The following PHF1 variants were observed in gnomAD, a reference collection of about 807,000 sequenced individuals.
The protein encoded by PHF1 is PHD finger protein 1, also known as polycomb-like 1.
PHF1 carries 16 observed loss-of-function variants against 69.4 expected under a neutral mutation model. The observed-to-expected ratio is 0.23, with a 90% CI of 0.16 to 0.35. The LOEUF is 0.35. Among genes scored for constraint, PHF1 ranks in the 10% least tolerant of loss-of-function variants. The pLI is 1.00. For synonymous variants in PHF1, 274 were observed against 275.0 expected (o/e 1.00, Z 0.04); for missense variants, 515 against 732.8 (o/e 0.70, Z 3.43).
rs967317692 is a variant in PHF1, at chr6:33,415,842, C to G, written c.1448C>G (p.Thr483Arg). Reference protein sequence around the residue: ...SPLELHIGFPTDIPKSAPHSM... With the variant: ...SPLELHIGFPRDIPKSAPHSM... The stretch of plus-strand genomic sequence containing the variant: ...CTGGAACTTCACATTGGTTTCCCCA[C>G]AGACATCCCTAAAAGTGCCCCCCAC... Residue 483 changes from threonine (T) to arginine (R), a missense_variant, in exon 15 of 15, where the codon ACA becomes AGA. Physicochemically the swap from Thr to Arg is moderately conservative, Grantham distance 71 (BLOSUM62 -1). Coordinates refer to ENST00000374516, the MANE Select transcript of PHF1 (RefSeq NM_024165.3). 4 of 1,603,648 alleles carry G rather than the reference C, an allele frequency of 2.5e-6. No individual in the cohort carries two copies. The highest frequency in any genetic ancestry group is 2.7e-5 in the African/African-American group (2 of 74,876).
At position 33,416,021 on chromosome 6, in the gene PHF1, C is replaced by T; in HGVS notation, c.1627C>T (p.Arg543Trp). ...TTACCTGTCCCGAGGGGACCCTGTC[C>T]GGGTCCTTGCTCGGAGAGTACGGCC... is the stretch of plus-strand genomic sequence containing the variant. ...VGYLSRGDPVRVLARRVRPDG... is the reference protein window; with the variant it reads ...VGYLSRGDPVWVLARRVRPDG... The change falls in exon 15 of 15, where the codon CGG becomes TGG. Residue 543 changes from arginine (R) to tryptophan (W), a missense_variant. Coordinates refer to ENST00000374516, the MANE Select transcript of PHF1 (RefSeq NM_024165.3). 1.2e-6 allele frequency: 2 copies of T among 1,612,626 alleles called. No homozygotes were observed. The highest frequency in any genetic ancestry group is 1.1e-5 in the South Asian group (1 of 91,016).
At position 33,413,207 on chromosome 6, in the gene PHF1, G is replaced by A. The variant is rs763045540; in HGVS notation, c.349G>A (p.Asp117Asn). Residue 117 changes from aspartate (D) to asparagine (N), a missense_variant, in exon 5 of 15, where the codon GAC becomes AAC. Physicochemically the swap from Asp to Asn is conservative, Grantham distance 23 (BLOSUM62 1). Coordinates refer to ENST00000374516, the MANE Select transcript of PHF1 (RefSeq NM_024165.3). ...TATTATCACTGCAGCTTATCACCAG[G>A]ACTGCCATGTTCCCAGGGCTCCAGC... ...CEKCRHAYHQDCHVPRAPAPG... is the reference protein window; with the variant it reads ...CEKCRHAYHQNCHVPRAPAPG... The A allele has an allele frequency of 3.2e-5, 51 of 1,613,922 alleles. No homozygotes were observed. The South Asian group carries it at 5.3e-4, about 17-fold the overall frequency.
rs550517254 is a variant in PHF1, at chr6:33,413,489, G to T, written c.519G>T (p.Gly173=). 6.2e-7 allele frequency: 1 copy of T among 1,614,222 alleles called. No homozygotes were observed. Among genetic ancestry groups the T allele is most frequent in the Admixed American group, 1.7e-5 (1 of 60,024 alleles). The change falls in exon 6 of 15, where the codon GGG becomes GGT. Residue 173 remains glycine (G), a synonymous_variant. Transcript: ENST00000374516. The part of the protein sequence containing the change: ...MKLSLPYGLK[G]LDWDAGHLSN... ...TTTCTCTGCCATATGGACTGAAGGG[G>T]CTGGACTGGGATGCTGGACATCTGA...
chr6:33,411,831 A>C (rs1192002799), intron 1 of PHF1, among the ~76,000 whole-genome samples: 2 of 152,158 alleles, frequency 1.3e-5, no homozygotes, highest in Non-Finnish European at 2.9e-5. Context: ...AGATGGGGGC[A>C]CAGATACTTC....
At chr6:33,411,349 C>T (rs1332087011) in intron 1 of PHF1, 134 bp downstream of exon 1, 1 of 152,066 alleles carries the variant, frequency 6.6e-6, no homozygotes, top group Non-Finnish European at 1.5e-5. Context: ...GACTTGCCGT[C>T]CTGGGGAGTA....
rs200696398 is a variant in PHF1 at position 33,414,848 on chromosome 6, A to G, written c.1049+19A>G. ...TCACCAGGTCACTGGTCCAGGGGGG[A>G]TGGGGGAAATTCTCAGGGTGTTAGT... On this transcript the variant is annotated intron_variant, in intron 11 of 14. Transcript: ENST00000374516. This position sits in a 1 kb window ranked among gnomAD's most constrained non-coding sequence, Gnocchi z 5.0. The G allele has an allele frequency of 4.2e-5, 66 of 1,554,434 alleles. No homozygotes were observed. In the Admixed American group the frequency reaches 1.1e-3, roughly 27 times the overall value.
In PHF1 at chr6:33,415,677, TTC is replaced by T. The variant is rs765602224; in HGVS notation, c.1415+9_1415+10del. The T allele has an allele frequency of 3.0e-5, 49 of 1,612,666 alleles. 1 individual carries two copies. The South Asian group carries it at 5.3e-4, about 17-fold the overall frequency. On this transcript the variant is annotated splice_region_variant and intron_variant, in intron 14 of 14. Transcript: ENST00000374516. ...ACAGTGGACCCCCAGACAGGTGAGA[TTC>T]TGTCTTCTATTACCAGTGATGCTCT... is the stretch of plus-strand genomic sequence containing the variant.
chr6:33,414,585 AG>A lies in PHF1; in HGVS notation c.944+42del. The A allele has an allele frequency of 1.2e-6, 2 of 1,602,910 alleles. No individual in the cohort carries two copies. The highest frequency in any genetic ancestry group is 1.7e-4 in the Middle Eastern group (1 of 6,036). On this transcript the variant is annotated intron_variant, in intron 10 of 14. Coordinates refer to ENST00000374516, the MANE Select transcript of PHF1 (RefSeq NM_024165.3). The surrounding 1 kb of genome is among the most constrained non-coding windows in gnomAD (Gnocchi z 5.0). ...GAGGAGGCAAGGATGAGGCTCGGAA[AG>A]AGATGGAGAGTGGAAGCCTGGAAGG... is the stretch of plus-strand genomic sequence containing the variant.
chr6:33,415,505 G>T (rs758734528), intron 13 of PHF1, 85 bp from the exon 14 acceptor site: 3 of 1,416,616 alleles, frequency 2.1e-6, no homozygotes, highest in Non-Finnish European at 3.0e-6. Context: ...GTCCCTTGGG[G>T]GTAGTGTTTG....
At position 33,415,338 on chromosome 6, in the gene PHF1, T is replaced by A. The variant is rs756648240; in HGVS notation, c.1334+9T>A. 6.3e-7 allele frequency: 1 copy of A among 1,598,336 alleles called. No homozygotes were observed. The highest frequency in any genetic ancestry group is 1.3e-5 in the African/African-American group (1 of 74,542). Reference sequence around the variant, plus strand: ...GCCCGCTGCCTGCCCAGGTCAGTGCTCCTCTGCCCCTCCCCCACAAAATAT... The same window carrying A: ...GCCCGCTGCCTGCCCAGGTCAGTGCACCTCTGCCCCTCCCCCACAAAATAT... On this transcript the variant is annotated intron_variant, in intron 13 of 14. Coordinates refer to ENST00000374516, the MANE Select transcript of PHF1 (RefSeq NM_024165.3).
In PHF1 at chr6:33,414,200, C is replaced by A; in HGVS notation, c.753-43C>A. The A allele has an allele frequency of 2.5e-6, 4 of 1,614,076 alleles. No homozygotes were observed. Among genetic ancestry groups the A allele is most frequent in the Non-Finnish European group, 3.4e-6 (4 of 1,179,948 alleles). On this transcript the variant is annotated intron_variant, in intron 8 of 14. Coordinates refer to ENST00000374516, the MANE Select transcript of PHF1 (RefSeq NM_024165.3). This position sits in a 1 kb window ranked among gnomAD's most constrained non-coding sequence, Gnocchi z 5.0. Reference sequence around the variant, plus strand: ...ACCTCCCACCTCAGGACTCCCCTGGCTCTTAAAATGCCTCTGTGGTCTTGA... The same window carrying A: ...ACCTCCCACCTCAGGACTCCCCTGGATCTTAAAATGCCTCTGTGGTCTTGA...
In PHF1 at chr6:33,415,826, C is replaced by G; in HGVS notation, c.1432C>G (p.His478Asp). ...TCTCCCTAGGTCACCCCTGGAACTT[C>G]ACATTGGTTTCCCCACAGACATCCC... is the stretch of plus-strand genomic sequence containing the variant. Reference protein sequence around the residue: ...GPPDRSPLELHIGFPTDIPKS... With the variant: ...GPPDRSPLELDIGFPTDIPKS... Residue 478 changes from histidine (H) to aspartate (D), a missense_variant, in exon 15 of 15, where the codon CAC becomes GAC. Coordinates refer to ENST00000374516, the MANE Select transcript of PHF1 (RefSeq NM_024165.3). The G allele has an allele frequency of 6.3e-7, 1 of 1,599,426 alleles. No homozygotes were observed. Among genetic ancestry groups the G allele is most frequent in the Non-Finnish European group, 8.6e-7 (1 of 1,169,372 alleles).
In PHF1 at chr6:33,414,033, A is replaced by G. The variant is rs1207663451; in HGVS notation, c.684-8A>G. The G allele has an allele frequency of 1.9e-6, 3 of 1,613,706 alleles. No individual in the cohort carries two copies. The highest frequency in any genetic ancestry group is 2.5e-6 in the Non-Finnish European group (3 of 1,180,000). ...TAAGTGTGTTTGCTCCCTCTTGCCC[A>G]TGTCCAGGTTCTATGAATTTGAATG... On this transcript the variant is annotated splice_polypyrimidine_tract_variant and splice_region_variant and intron_variant, in intron 7 of 14. Transcript: ENST00000374516. The surrounding 1 kb of genome is among the most constrained non-coding windows in gnomAD (Gnocchi z 5.0).
Position 33,416,426 on chromosome 6 carries a change from GA to G in PHF1, c.*329del. Reference sequence around the variant, plus strand: ...CCGGACTCTGTATGATTGAAATAAAGAGAAATAAACAAATCTAGCAGCTCTG... The same window carrying G: ...CCGGACTCTGTATGATTGAAATAAAGGAAATAAACAAATCTAGCAGCTCTG... On this transcript the variant is annotated 3_prime_UTR_variant, in exon 15 of 15. Coordinates refer to ENST00000374516, the MANE Select transcript of PHF1 (RefSeq NM_024165.3). The G allele has an allele frequency of 1.8e-6, 1 of 548,922 alleles. No homozygotes were observed. The highest frequency in any genetic ancestry group is 3.3e-6 in the Non-Finnish European group (1 of 307,090). 34.0% of individuals were successfully genotyped at this position (548,922 alleles called of 1,614,324 possible).
chr6:33,415,727 G>C lies in PHF1; in HGVS notation c.1415+57G>C. ...TCTTCTTCCCCTCTATGTGCTCAAGGCTCTTAGTCTCTAACACTGTTTCTC... is the reference window on the plus strand; with the variant it reads ...TCTTCTTCCCCTCTATGTGCTCAAGCCTCTTAGTCTCTAACACTGTTTCTC... On this transcript the variant is annotated intron_variant, in intron 14 of 14. Transcript: ENST00000374516. 4.4e-6 allele frequency: 7 copies of C among 1,608,542 alleles called. No individual in the cohort carries two copies. The South Asian group carries it at 7.7e-5, about 18-fold the overall frequency.
At position 33,414,507 on chromosome 6, in the gene PHF1, T is replaced by C; in HGVS notation, c.907T>C (p.Ser303Pro). 1 of 1,613,924 alleles carries C rather than the reference T, an allele frequency of 6.2e-7. No individual in the cohort carries two copies. The highest frequency in any genetic ancestry group is 1.3e-5 in the African/African-American group (1 of 74,970). ...AGACACCCCCAAAGGAGAACGTTCT[T>C]CCAGGCTCCTCTCTGCTCTTAACAG... Reference protein sequence around the residue: ...LSDTPKGERSSRLLSALNSHK... With the variant: ...LSDTPKGERSPRLLSALNSHK... Residue 303 changes from serine (S) to proline (P), a missense_variant, in exon 10 of 15, where the codon TCC becomes CCC. Ser to Pro is a moderately conservative substitution (Grantham distance 74). This residue lies in a region of PHF1 where 142 missense variants were observed against 309.7 expected (regional missense o/e 0.46). Coordinates refer to ENST00000374516, the MANE Select transcript of PHF1 (RefSeq NM_024165.3). The surrounding 1 kb of genome is among the most constrained non-coding windows in gnomAD (Gnocchi z 5.0).
chr6:33,414,639 CTG>C lies in PHF1; in HGVS notation c.945-83_945-82del, dbSNP rs3835250. 593,208 of 1,538,404 alleles carry C rather than the reference CTG, an allele frequency of 0.39. 118,811 individuals are homozygous for C. Among genetic ancestry groups the C allele is most frequent in the East Asian group, 0.64 (28,322 of 44,394 alleles). On this transcript the variant is annotated intron_variant, in intron 10 of 14. Coordinates refer to ENST00000374516, the MANE Select transcript of PHF1 (RefSeq NM_024165.3). This position sits in a 1 kb window ranked among gnomAD's most constrained non-coding sequence, Gnocchi z 5.0. ...AGGGGCTTGCAACCCACCTGGAAGA[CTG>C]TGACTGAAAAGGATTGAGGAATGGC...
At position 33,413,521 on chromosome 6, in the gene PHF1, G is replaced by A. The variant is rs1461387097; in HGVS notation, c.551G>A (p.Arg184Gln). The change falls in exon 6 of 15, where the codon CGA becomes CAA. Residue 184 changes from arginine to glutamine, a missense_variant. Physicochemically the swap from Arg to Gln is conservative, Grantham distance 43. This residue lies in a region of PHF1 where 142 missense variants were observed against 309.7 expected (regional missense o/e 0.46). Transcript: ENST00000374516. ...LDWDAGHLSN[R>Q]QQSYCYCGGP... ...TGGGATGCTGGACATCTGAGCAACC[G>A]ACAGCAGAGTTACTGTTACTGTGGT... 6 of 1,614,084 alleles carry A rather than the reference G, an allele frequency of 3.7e-6. No homozygotes were observed. The South Asian group carries it at 4.4e-5, about 12-fold the overall frequency.
chr6:33,415,263 C>G lies in PHF1; in HGVS notation c.1268C>G (p.Pro423Arg). ...QASVSPPSPS[P>R]NQSYQGSSGY... ...TCAGTGTCTCCACCATCCCCCAGCC[C>G]TAACCAGAGTTACCAGGGCAGCAGC... The change falls in exon 13 of 15, where the codon CCT becomes CGT. Residue 423 changes from proline to arginine, a missense_variant. Physicochemically the swap from Pro to Arg is moderately radical, Grantham distance 103. Around this residue, in one of 5 missense-constraint regions of PHF1, gnomAD observed 274 missense variants for 304.5 expected, o/e 0.90. Coordinates refer to ENST00000374516, the MANE Select transcript of PHF1 (RefSeq NM_024165.3). The G allele has an allele frequency of 6.2e-7, 1 of 1,613,996 alleles. No homozygotes were observed. Among genetic ancestry groups the G allele is most frequent in the Non-Finnish European group, 8.5e-7 (1 of 1,179,926 alleles).
Sources: gnomAD v4.1 joint callset for allele counts (sites outside exome capture counted in the v4.1 genomes callset) on GRCh38, gnomAD v4.1.1 for gene constraint, gnomAD v4.1.1 regional missense constraint, Gnocchi (gnomAD v3.1) non-coding constraint, MANE v1.5 for transcripts, NCBI Gene and HGNC (gene_info 2026-07-23, HGNC 2026-07-21) for gene names.